ARHGAP32: variants seen among roughly 807,000 people sequenced by gnomAD.
The protein encoded by ARHGAP32 is rho GTPase-activating protein 32.
Under a neutral mutation model 186.5 loss-of-function variants are expected in ARHGAP32, and 51 were observed. That is an observed-to-expected ratio of 0.27 (90% CI 0.22 to 0.35). ARHGAP32 has a LOEUF of 0.35. Among genes scored for constraint, ARHGAP32 ranks in the 10% least tolerant of loss-of-function variants. The pLI is 1.00. For synonymous variants in ARHGAP32, 950 were observed against 964.3 expected (o/e 0.99, Z 0.27); for missense variants, 2,186 against 2,623.5 (o/e 0.83, Z 3.64).
intron 5 of ARHGAP32, among the ~76,000 whole-genome samples, chr11:129,110,782 G>A (rs778422265): frequency 2.6e-5 from 4 of 151,886 alleles, no homozygotes; most frequent in Non-Finnish European, 4.4e-5. Flanking sequence ...TGTTAATTTT[G>A]TATCTGCAAA....
chr11:129,029,558 C>A (rs1418562994), intron 11 of ARHGAP32, among the ~76,000 whole-genome samples: 1 of 152,118 alleles, frequency 6.6e-6, no homozygotes, highest in South Asian at 2.1e-4. Flanking sequence ...AATCCCAGCA[C>A]TTTGGGAGGC....
intron 11 of ARHGAP32, among the ~76,000 whole-genome samples, chr11:129,028,480 G>A (rs1303642442): frequency 6.6e-6 from 1 of 152,164 alleles, no homozygotes; most frequent in African/African-American, 2.4e-5. Context: ...TGAAAATTTT[G>A]TATCTAATTC....
chr11:129,200,464 C>T (rs1209491824), intron 1 of ARHGAP32, among the ~76,000 whole-genome samples: 1 of 152,168 alleles, frequency 6.6e-6, no homozygotes, highest in East Asian at 1.9e-4. Flanking sequence ...GATGGTTTTA[C>T]AAGGGGAAAC....
intron 1 of ARHGAP32, among the ~76,000 whole-genome samples, chr11:129,231,064 G>A (rs1944852709): frequency 6.6e-6 from 1 of 152,150 alleles, no homozygotes. Flanking sequence ...AACCTGGATA[G>A]CAGAGGCTGC....
intron 5 of ARHGAP32, among the ~76,000 whole-genome samples, chr11:129,105,528 C>A (rs1942025262): frequency 6.6e-6 from 1 of 152,000 alleles, no homozygotes; most frequent in African/African-American, 2.4e-5. Context: ...TGACAAAACA[C>A]TACCTAAACA....
intron 1 of ARHGAP32, among the ~76,000 whole-genome samples, chr11:129,214,048 C>A (rs1259295031): frequency 6.6e-6 from 1 of 151,508 alleles, no homozygotes; most frequent in Non-Finnish European, 1.5e-5. Context: ...TCAGACAAAC[C>A]AAGACTGGGG....
intron 2 of ARHGAP32, among the ~76,000 whole-genome samples, chr11:129,135,766 C>A (rs1591642738): frequency 6.7e-6 from 1 of 150,296 alleles, no homozygotes; most frequent in African/African-American, 2.4e-5. Context: ...GACTCCATCT[C>A]AAAAAAAAAC....
At chr11:129,097,645 T>C (rs1265701336) in intron 5 of ARHGAP32, among the ~76,000 whole-genome samples, 2 of 151,776 alleles carry the variant, frequency 1.3e-5, no homozygotes, top group Admixed American at 1.3e-4. Context: ...TAATTGAAGA[T>C]AAGTAACAAG....
At chr11:129,259,649 C>A (rs1445922751) in intron 1 of ARHGAP32, among the ~76,000 whole-genome samples, 1 of 151,706 alleles carries the variant, frequency 6.6e-6, no homozygotes, top group Non-Finnish European at 1.5e-5. Flanking sequence ...TGGAAGATAG[C>A]TTTTAATAAG....
intron 11 of ARHGAP32, among the ~76,000 whole-genome samples, chr11:129,030,014 G>A (rs1939044849): frequency 6.6e-6 from 1 of 152,038 alleles, no homozygotes; most frequent in Admixed American, 6.5e-5. Flanking sequence ...ATATTATCTT[G>A]ATCTATCCTT....
chr11:129,113,529 T>A (rs746585588), intron 5 of ARHGAP32, among the ~76,000 whole-genome samples: 1 of 152,130 alleles, frequency 6.6e-6, no homozygotes, highest in East Asian at 1.9e-4. Flanking sequence ...TATTTATATA[T>A]ATATTTTGCA....
intron 1 of ARHGAP32, among the ~76,000 whole-genome samples, chr11:129,187,586 G>C (rs1944188335): frequency 6.6e-6 from 1 of 151,434 alleles, no homozygotes; most frequent in Non-Finnish European, 1.5e-5. Context: ...CCATCATGAG[G>C]GGATGGTTAC....
At chr11:129,092,644 T>C (rs1014889426) in intron 6 of ARHGAP32, among the ~76,000 whole-genome samples, 2 of 152,030 alleles carry the variant, frequency 1.3e-5, no homozygotes, top group Admixed American at 1.3e-4. Flanking sequence ...TCCAATCCTA[T>C]ACTCTGACAC....
chr11:129,091,563 G>A (rs1450936704), intron 6 of ARHGAP32, among the ~76,000 whole-genome samples: 1 of 152,010 alleles, frequency 6.6e-6, no homozygotes, highest in Non-Finnish European at 1.5e-5. Context: ...AAGAATTTTG[G>A]TTAAATAAAA....
intron 5 of ARHGAP32, among the ~76,000 whole-genome samples, chr11:129,107,942 A>G (rs1205873423): frequency 6.6e-6 from 1 of 152,072 alleles, no homozygotes; most frequent in Non-Finnish European, 1.5e-5. Flanking sequence ...TTCAAAATAA[A>G]CTGTTATAGT....
intron 1 of ARHGAP32, among the ~76,000 whole-genome samples, chr11:129,178,721 G>A (rs1297547430): frequency 6.6e-6 from 1 of 152,100 alleles, no homozygotes; most frequent in Non-Finnish European, 1.5e-5. Flanking sequence ...AAATGGTGCT[G>A]GGAAAACTGG....
At chr11:129,194,115 G>A (rs569090590), upstream of ARHGAP32, among the ~76,000 whole-genome samples, 2 of 152,168 alleles carry the variant, frequency 1.3e-5, no homozygotes, top group South Asian at 4.2e-4. Flanking sequence ...CAAACTGAAA[G>A]AGGACATGGG....
intron 2 of ARHGAP32, among the ~76,000 whole-genome samples, chr11:129,140,239 G>C (rs1035134671): frequency 6.6e-6 from 1 of 152,028 alleles, no homozygotes; most frequent in Non-Finnish European, 1.5e-5. Flanking sequence ...CAAGGAAACA[G>C]GGACCTCAGA....
intron 10 of ARHGAP32, among the ~76,000 whole-genome samples, chr11:129,049,315 G>C (rs1476030950): frequency 6.6e-6 from 1 of 152,154 alleles, no homozygotes; most frequent in Non-Finnish European, 1.5e-5. Flanking sequence ...AGACAGATAT[G>C]ATCAACTGGA....
Sources: allele counts gnomAD v4.1 joint callset (sites outside exome capture counted in the v4.1 genomes callset), GRCh38; gene constraint gnomAD v4.1.1; transcripts MANE v1.5; gene names NCBI Gene and HGNC (gene_info 2026-07-23, HGNC 2026-07-21).